LSAMP: variants seen among roughly 807,000 people sequenced by gnomAD.
LSAMP encodes the protein limbic system associated membrane protein.
In LSAMP, 7 loss-of-function variants were observed where a neutral mutation model predicts 38.6. That is an observed-to-expected ratio of 0.18 (90% CI 0.10 to 0.34). The LOEUF is 0.34. LSAMP is among the 10% of genes least tolerant of loss of function. The pLI, the probability that LSAMP is intolerant of heterozygous loss-of-function variation, is 1.00. For missense variants in LSAMP, 313 were observed against 420.0 expected (o/e 0.75, Z 2.23); for synonymous variants, 154 against 166.8 (o/e 0.92, Z 0.59).
chr3:116,086,637 G>A, intron 1 of LSAMP, 81 bp from the exon 2 acceptor site: 2 of 1,041,560 alleles, frequency 1.9e-6, no homozygotes, highest in Non-Finnish European at 1.5e-6. Flanking sequence ...GACTCAACAA[G>A]TCTAAACAAG....
chr3:116,155,207 GA>G (rs1709716964), intron 1 of LSAMP, among the ~76,000 whole-genome samples: 1 of 151,732 alleles, frequency 6.6e-6, no homozygotes, highest in African/African-American at 2.4e-5. Flanking sequence ...GGCAGGTATT[GA>G]GGTCTGTTTT....
chr3:115,893,168 G>A (rs1405532861), intron 3 of LSAMP, among the ~76,000 whole-genome samples: 1 of 151,910 alleles, frequency 6.6e-6, no homozygotes, highest in Non-Finnish European at 1.5e-5. Flanking sequence ...ACTAGGTGAG[G>A]GATAACATTA....
intron 1 of LSAMP, among the ~76,000 whole-genome samples, chr3:116,420,699 C>T (rs1289829432): frequency 6.6e-6 from 1 of 151,154 alleles, no homozygotes; most frequent in Non-Finnish European, 1.5e-5. Flanking sequence ...GGTGAAACCC[C>T]ATCTCTAATT....
chr3:115,812,211 G>A (rs1026646889), intron 6 of LSAMP, among the ~76,000 whole-genome samples: 3 of 152,100 alleles, frequency 2.0e-5, no homozygotes, highest in African/African-American at 2.4e-5. Context: ...TCAGCATACA[G>A]TATAAAATGA....
At chr3:115,896,047 A>G (rs534674927) in intron 3 of LSAMP, among the ~76,000 whole-genome samples, 1 of 152,182 alleles carries the variant, frequency 6.6e-6, no homozygotes, top group Admixed American at 6.5e-5. Flanking sequence ...AAATGTACCT[A>G]TGCTTGTGTG....
chr3:116,171,785 G>A (rs1710205730), intron 1 of LSAMP, among the ~76,000 whole-genome samples: 1 of 151,994 alleles, frequency 6.6e-6, no homozygotes, highest in Admixed American at 6.6e-5. Flanking sequence ...ATAAGGAGCA[G>A]GTGGAGAAGA....
At chr3:116,045,584 CA>C (rs1405192699) in intron 2 of LSAMP, among the ~76,000 whole-genome samples, 1 of 144,720 alleles carries the variant, frequency 6.9e-6, no homozygotes. Context: ...CTGATTAGGT[CA>C]GAGTTTTTCA....
intron 1 of LSAMP, among the ~76,000 whole-genome samples, chr3:116,400,524 G>A (rs1399175903): frequency 6.8e-6 from 1 of 147,792 alleles, no homozygotes; most frequent in Non-Finnish European, 1.5e-5. Flanking sequence ...CGTCACCCAG[G>A]CTGGAGTACA....
chr3:116,019,483 T>A lies in LSAMP; in HGVS notation c.514+32A>T. 1.9e-6 allele frequency: 3 copies of A among 1,606,884 alleles called. No homozygotes were observed. The South Asian group carries it at 3.3e-5, about 18-fold the overall frequency. ...GAGCATGAGCATATTTTAAACAGCA[T>A]GTGGCATATTGGAACCTGGAGTATT... On this transcript the variant is annotated intron_variant, in intron 3 of 6. Transcript: ENST00000490035.
rs1294808862 is a variant in LSAMP, at chr3:116,164,700, AT to A, written c.156-78145del. Among the ~76,000 whole-genome samples the A allele has an allele frequency of 1.4e-3, 128 of 93,978 alleles. 7 individuals carry two copies. The highest frequency in any genetic ancestry group is 1.5e-3 in the Admixed American group (13 of 8,414). The allele number at this position is 93,978 out of a possible 152,430, so 61.7% of individuals were successfully genotyped here. A position where few individuals can be genotyped will look rare whatever the true frequency, so the allele number is the denominator to read the frequency against. On this transcript the variant is annotated intron_variant, in intron 1 of 6. Transcript: ENST00000490035. ...ATATATATAATCCAAATATATATAT[AT>A]ATAATCCAAATATATATATATAATC...
intron 1 of LSAMP, among the ~76,000 whole-genome samples, chr3:116,397,185 G>A (rs922429948): frequency 2.0e-5 from 3 of 152,078 alleles, no homozygotes; most frequent in African/African-American, 7.2e-5. Context: ...AACCTATAAA[G>A]CTCTATAGAC....
intron 1 of LSAMP, among the ~76,000 whole-genome samples, chr3:116,368,938 T>C (rs1034704888): frequency 3.9e-5 from 6 of 152,152 alleles, no homozygotes; most frequent in African/African-American, 9.7e-5. Flanking sequence ...AAAGTTTATT[T>C]TTGGTAAATA....
At chr3:116,181,454 A>T (rs1190512248) in intron 1 of LSAMP, among the ~76,000 whole-genome samples, 1 of 150,626 alleles carries the variant, frequency 6.6e-6, no homozygotes. Flanking sequence ...CAATTATTTT[A>T]AAAATACTTA....
At chr3:116,190,108 C>G (rs1448936034) in intron 1 of LSAMP, among the ~76,000 whole-genome samples, 3 of 150,646 alleles carry the variant, frequency 2.0e-5, no homozygotes, top group East Asian at 3.9e-4. Context: ...CACACACACA[C>G]ACACACACAC....
chr3:115,918,623 C>T (rs1201167120), intron 3 of LSAMP, among the ~76,000 whole-genome samples: 1 of 151,930 alleles, frequency 6.6e-6, no homozygotes. Flanking sequence ...TGATGATGAA[C>T]TGCAACTCTC....
At chr3:116,186,398 G>A (rs1334543609) in intron 1 of LSAMP, among the ~76,000 whole-genome samples, 1 of 152,088 alleles carries the variant, frequency 6.6e-6, no homozygotes, top group Non-Finnish European at 1.5e-5. Context: ...TCTATCTTGA[G>A]TGATACAGGG....
intron 1 of LSAMP, among the ~76,000 whole-genome samples, chr3:116,174,926 T>A (rs894404294): frequency 1.3e-5 from 2 of 152,110 alleles, no homozygotes; most frequent in African/African-American, 4.8e-5. Flanking sequence ...CTATCGCCTG[T>A]CCTTATTCTT....
At chr3:116,333,156 G>A (rs976916119) in intron 1 of LSAMP, among the ~76,000 whole-genome samples, 1 of 152,038 alleles carries the variant, frequency 6.6e-6, no homozygotes, top group Non-Finnish European at 1.5e-5. Context: ...AGAATACTCT[G>A]TCCACTTAAC....
rs537182153 is a variant in LSAMP, at chr3:115,951,048, G to A, written c.514+68467C>T. Reference sequence around the variant, plus strand: ...GAAAGGAGATCCTGTTCAACAAATGGTGCTGGTATAATTGGCAAGCCACAT... The same window carrying A: ...GAAAGGAGATCCTGTTCAACAAATGATGCTGGTATAATTGGCAAGCCACAT... On this transcript the variant is annotated intron_variant, in intron 3 of 6. Transcript: ENST00000490035. Among the ~76,000 whole-genome samples the A allele has an allele frequency of 1.2e-3, 176 of 152,204 alleles. 1 individual carries two copies. The highest frequency in any genetic ancestry group is 4.1e-3 in the South Asian group (20 of 4,824).
Sources: gnomAD v4.1 joint callset for allele counts (sites outside exome capture counted in the v4.1 genomes callset) on GRCh38, gnomAD v4.1.1 for gene constraint, MANE v1.5 for transcripts, NCBI Gene and HGNC (gene_info 2026-07-23, HGNC 2026-07-21) for gene names.